Variants in LINGO2 observed in about 807,000 individuals in gnomAD.
The protein encoded by LINGO2 is leucine-rich repeat and immunoglobulin-like domain-containing nogo receptor-interacting protein 2.
In LINGO2, 14 loss-of-function variants were observed where a neutral mutation model predicts 30.6. The observed-to-expected ratio is 0.46, with a 90% CI of 0.30 to 0.72. The LOEUF (loss-of-function observed/expected upper bound fraction) is 0.72. LINGO2 is among the 30% of genes least tolerant of loss of function. The pLI, the probability that LINGO2 is intolerant of heterozygous loss-of-function variation, is 0.07. For missense variants in LINGO2, 729 were observed against 751.7 expected, an observed-to-expected ratio of 0.97 and a Z score of 0.35; for synonymous variants, 317 against 288.5, an observed-to-expected ratio of 1.10 and a Z score of -1.00.
exon 6 of LINGO2, chr9:27,950,318 C>T: frequency 1.2e-6 from 2 of 1,614,122 alleles, no homozygotes; most frequent in African/African-American, 2.7e-5. Context: ...AAGGGACCAG[C>T]TTTAGACGAT....
intron 1 of LINGO2, among the ~76,000 whole-genome samples, chr9:28,502,427 C>T (rs1401182502): frequency 2.6e-5 from 4 of 152,104 alleles, no homozygotes; most frequent in African/African-American, 4.8e-5. Context: ...CAGCTTAGAC[C>T]TTACTAATGA....
chr9:28,555,677 G>T (rs935483360), intron 1 of LINGO2, among the ~76,000 whole-genome samples: 1 of 151,790 alleles, frequency 6.6e-6, no homozygotes. Context: ...TACCAAAGCC[G>T]GGCCGAGACA....
rs1326793978 is a variant in LINGO2, at chr9:28,554,948, C to T, written c.-364-78923G>A. Reference sequence around the variant, plus strand: ...AAATAAAGATGTTCTTTGAAACCAACGAGAACAAAGACACCACATACCAGA... The same window carrying T: ...AAATAAAGATGTTCTTTGAAACCAATGAGAACAAAGACACCACATACCAGA... On this transcript the variant is annotated intron_variant, in intron 1 of 5. Coordinates refer to ENST00000379992, the Ensembl canonical transcript of LINGO2. 6.2e-5 allele frequency among the ~76,000 whole-genome samples: 8 copies of T among 129,474 alleles called. No individual in the cohort carries two copies. In the East Asian group the frequency reaches 6.8e-4, roughly 11 times the overall value. The allele number at this position is 129,474 out of a possible 152,430, so 84.9% of individuals were successfully genotyped here.
Position 28,185,636 on chromosome 9 carries a change from G to A in LINGO2, c.-87+109572C>T, listed in dbSNP as rs541630747. ...TTTAGAAAACTGAAACACAATTGTA[G>A]AAATAGGACTGCAAAAATATAGTTC... is the stretch of plus-strand genomic sequence containing the variant. On this transcript the variant is annotated intron_variant, in intron 4 of 5. Transcript: ENST00000379992. 9.2e-5 allele frequency among the ~76,000 whole-genome samples: 14 copies of A among 152,230 alleles called. No homozygotes were observed. The South Asian group carries it at 2.9e-3, about 32-fold the overall frequency.
At chr9:28,677,814 T>C in the LINGO2 span, among the ~76,000 whole-genome samples, 1 of 152,086 alleles carries the variant, frequency 6.6e-6, no homozygotes, top group South Asian at 2.1e-4. Flanking sequence ...TAATTCAGGA[T>C]AGTAATTCTA....
upstream of LINGO2, among the ~76,000 whole-genome samples, chr9:28,672,177 G>C (rs955230374): frequency 1.9e-4 from 29 of 152,044 alleles, no homozygotes; most frequent in African/African-American, 6.5e-4. Context: ...TAGCAAGAAA[G>C]GGAGCATTCA....
At chr9:28,524,525 C>T (rs982329552) in intron 1 of LINGO2, among the ~76,000 whole-genome samples, 12 of 150,430 alleles carry the variant, frequency 8.0e-5, no homozygotes, top group Admixed American at 7.9e-4. Flanking sequence ...GAGGCTGAGG[C>T]CGGGGGATCA....
the LINGO2 span, among the ~76,000 whole-genome samples, chr9:28,960,914 T>C: frequency 6.6e-6 from 1 of 152,230 alleles, no homozygotes; most frequent in African/African-American, 2.4e-5. Flanking sequence ...TAACAAAATA[T>C]TGAATTATTT....
At chr9:27,940,841 G>T in the LINGO2 span, 1 of 152,128 alleles carries the variant, frequency 6.6e-6, no homozygotes, top group African/African-American at 2.4e-5. Flanking sequence ...GTTTAGCTTC[G>T]AGTTCATTAT....
intron 4 of LINGO2, among the ~76,000 whole-genome samples, chr9:28,266,932 C>T (rs1822771611): frequency 6.6e-6 from 1 of 151,950 alleles, no homozygotes; most frequent in Non-Finnish European, 1.5e-5. Context: ...ACTAGCTGTG[C>T]CCCGCTGTAC....
intron 4 of LINGO2, among the ~76,000 whole-genome samples, chr9:28,038,614 AC>A (rs1286280637): frequency 6.6e-6 from 1 of 150,598 alleles, no homozygotes; most frequent in Non-Finnish European, 1.5e-5. Flanking sequence ...AATGGCGTGA[AC>A]CCGGGAGGCG....
At chr9:29,081,021 T>A in the LINGO2 span, among the ~76,000 whole-genome samples, 1 of 152,128 alleles carries the variant, frequency 6.6e-6, no homozygotes, top group Non-Finnish European at 1.5e-5. Context: ...GTACCATTCC[T>A]TCTGAAACTA....
chr9:28,386,938 T>G (rs1329179522), intron 2 of LINGO2, among the ~76,000 whole-genome samples: 1 of 152,222 alleles, frequency 6.6e-6, no homozygotes, highest in Non-Finnish European at 1.5e-5. Flanking sequence ...TAAGAATGTT[T>G]GTAAACACTG....
intron 4 of LINGO2, among the ~76,000 whole-genome samples, chr9:28,023,982 G>A (rs1354885216): frequency 6.6e-6 from 1 of 152,064 alleles, no homozygotes; most frequent in Non-Finnish European, 1.5e-5. Flanking sequence ...TTGCGTCTCT[G>A]GATTCACCTT....
At chr9:28,757,082 T>G in the LINGO2 span, among the ~76,000 whole-genome samples, 1 of 152,032 alleles carries the variant, frequency 6.6e-6, no homozygotes, top group Non-Finnish European at 1.5e-5. Context: ...ACTTTTAGCT[T>G]TAACCAGTTT....
At chr9:28,719,761 G>T in the LINGO2 span, among the ~76,000 whole-genome samples, 45 of 151,664 alleles carry the variant, frequency 3.0e-4, no homozygotes, top group Non-Finnish European at 5.9e-4. Flanking sequence ...CTAAGATGCA[G>T]GTCCATAGCT....
At position 28,533,245 on chromosome 9, in the gene LINGO2, T is replaced by C. The variant is rs372355074; in HGVS notation, c.-364-57220A>G. On this transcript the variant is annotated intron_variant, in intron 1 of 5. Coordinates refer to ENST00000379992, the Ensembl canonical transcript of LINGO2. ...TCCAAGATCTTCAGCTTTTGGCTTCTTGGACTTTACACCAGTAGTTTGCCT... is the reference window on the plus strand; with the variant it reads ...TCCAAGATCTTCAGCTTTTGGCTTCCTGGACTTTACACCAGTAGTTTGCCT... 1.2e-4 allele frequency among the ~76,000 whole-genome samples: 19 copies of C among 152,270 alleles called. No individual in the cohort carries two copies. In the South Asian group the frequency reaches 3.9e-3, roughly 32 times the overall value.
At chr9:28,844,434 G>C in the LINGO2 span, among the ~76,000 whole-genome samples, 9 of 151,864 alleles carry the variant, frequency 5.9e-5, no homozygotes, top group African/African-American at 2.2e-4. Context: ...GAGCACAGTG[G>C]TTCTGTCAAG....
In LINGO2 at chr9:28,329,627, C is replaced by G. The variant is rs1258256909; in HGVS notation, c.-245-34261G>C. On this transcript the variant is annotated intron_variant, in intron 3 of 5. Transcript: ENST00000379992. This position sits in a 1 kb window ranked among gnomAD's most constrained non-coding sequence, Gnocchi z 4.5. ...TTTATATAATTGCACTTGCTATTCT[C>G]TCTGCCTGGAATAGTTTCCTTCCCA... is the stretch of plus-strand genomic sequence containing the variant. 6.6e-6 allele frequency among the ~76,000 whole-genome samples: 1 copy of G among 152,154 alleles called. No individual in the cohort carries two copies. Among genetic ancestry groups the G allele is most frequent in the African/African-American group, 2.4e-5 (1 of 41,430 alleles).
Sources: gnomAD v4.1 joint callset for allele counts (sites outside exome capture counted in the v4.1 genomes callset) on GRCh38, gnomAD v4.1.1 for gene constraint, Gnocchi (gnomAD v3.1) non-coding constraint, MANE v1.5 for transcripts, NCBI Gene and HGNC (gene_info 2026-07-23, HGNC 2026-07-21) for gene names.